MLLT3: variants seen among roughly 807,000 people sequenced by gnomAD.
MLLT3 encodes MLLT3 super elongation complex subunit, also known as protein AF-9.
In MLLT3, 4 loss-of-function variants were observed where a neutral mutation model predicts 53.2. The ratio of observed to expected loss-of-function variants is 0.08; its 90% CI spans 0.04 to 0.17. MLLT3 has a LOEUF of 0.17. MLLT3 is among the 10% of genes least tolerant of loss of function. The pLI is 1.00. For synonymous variants in MLLT3, 283 were observed against 230.6 expected, an observed-to-expected ratio of 1.23 and a Z score of -2.06; for missense variants, 569 against 684.0, an observed-to-expected ratio of 0.83 and a Z score of 1.87.
intron 2 of MLLT3, among the ~76,000 whole-genome samples, chr9:20,546,583 C>T (rs1818794647): frequency 6.6e-6 from 1 of 151,944 alleles, no homozygotes; most frequent in Admixed American, 6.6e-5. Context: ...GGTAGACGAA[C>T]CTGTGTATGG....
intron 2 of MLLT3, among the ~76,000 whole-genome samples, chr9:20,508,357 G>C (rs1206306551): frequency 6.6e-6 from 1 of 152,082 alleles, no homozygotes; most frequent in East Asian, 1.9e-4. Flanking sequence ...ATCCTCAGGA[G>C]GCCCATCCAC....
intron 8 of MLLT3, among the ~76,000 whole-genome samples, chr9:20,356,890 C>T (rs1254479565): frequency 6.6e-6 from 1 of 152,150 alleles, no homozygotes; most frequent in East Asian, 1.9e-4. Flanking sequence ...ACAAAAGCTC[C>T]GGGTGTCAGT....
intron 2 of MLLT3, among the ~76,000 whole-genome samples, chr9:20,602,936 C>T (rs1280471832): frequency 6.6e-6 from 1 of 152,000 alleles, no homozygotes; most frequent in African/African-American, 2.4e-5. Context: ...TCATAATATG[C>T]CATAATTCCA....
chr9:20,609,113 C>T (rs1283509271), intron 2 of MLLT3, among the ~76,000 whole-genome samples: 2 of 151,966 alleles, frequency 1.3e-5, no homozygotes, highest in Admixed American at 6.6e-5. Context: ...TATTTATTTG[C>T]AGCTCTATTT....
At chr9:20,381,502 C>CTACTTA (rs1821907262) in intron 5 of MLLT3, among the ~76,000 whole-genome samples, 1 of 151,884 alleles carries the variant, frequency 6.6e-6, no homozygotes, top group Admixed American at 6.6e-5. Flanking sequence ...AATTTTGTAA[C>CTACTTA]TACTTATATT....
chr9:20,569,680 C>T (rs933702954), intron 2 of MLLT3, among the ~76,000 whole-genome samples: 2 of 152,158 alleles, frequency 1.3e-5, no homozygotes, highest in South Asian at 2.1e-4. Flanking sequence ...ATTTAGAACA[C>T]CCAGTTCTAA....
intron 2 of MLLT3, among the ~76,000 whole-genome samples, chr9:20,472,473 T>C (rs1040854774): frequency 1.6e-4 from 25 of 152,046 alleles, no homozygotes; most frequent in African/African-American, 5.6e-4. Context: ...GCATTTTCTG[T>C]CCAAGCATTT....
At chr9:20,495,581 G>A (rs190491037) in intron 2 of MLLT3, among the ~76,000 whole-genome samples, 1 of 152,134 alleles carries the variant, frequency 6.6e-6, no homozygotes, top group Admixed American at 6.5e-5. Flanking sequence ...CTGATGCTCA[G>A]TGCCTATTAA....
At chr9:20,534,896 CAAAATAAAAT>C (rs768217983) in intron 2 of MLLT3, among the ~76,000 whole-genome samples, 8 of 151,396 alleles carry the variant, frequency 5.3e-5, no homozygotes, top group African/African-American at 1.5e-4. Flanking sequence ...AAAAATAAAA[CAAAATAAAAT>C]AAAATAAAAT....
chr9:20,513,615 AGAGTGGCTACCGTG>A (rs1158031908), intron 2 of MLLT3, among the ~76,000 whole-genome samples: 1 of 152,162 alleles, frequency 6.6e-6, no homozygotes, highest in Admixed American at 6.5e-5. Context: ...ACTGTGAATG[AGAGTGGCTACCGTG>A]GCGTATCTGC....
chr9:20,435,413 C>G (rs1003172426), intron 4 of MLLT3, among the ~76,000 whole-genome samples: 29 of 152,150 alleles, frequency 1.9e-4, no homozygotes, highest in South Asian at 1.5e-3. Flanking sequence ...TTTATTATCC[C>G]TTAAAAGTTG....
chr9:20,456,934 T>A (rs2118862117), intron 2 of MLLT3, 148 bp from the exon 3 acceptor site: 1 of 592,240 alleles, frequency 1.7e-6, no homozygotes, highest in Non-Finnish European at 2.9e-6. Context: ...CTCCGATCTA[T>A]CCTTTATTTC....
chr9:20,547,849 G>C (rs1415736800), intron 2 of MLLT3, among the ~76,000 whole-genome samples: 2 of 152,136 alleles, frequency 1.3e-5, no homozygotes, highest in African/African-American at 2.4e-5. Context: ...CTACTCAGGA[G>C]GCTTAGGTGG....
At chr9:20,567,717 A>G (rs1460464636) in intron 2 of MLLT3, among the ~76,000 whole-genome samples, 1 of 152,208 alleles carries the variant, frequency 6.6e-6, no homozygotes, top group Non-Finnish European at 1.5e-5. Context: ...ATGTCCAACA[A>G]TAATGTATAT....
intron 5 of MLLT3, among the ~76,000 whole-genome samples, chr9:20,385,389 T>C (rs1822008968): frequency 6.6e-6 from 1 of 152,164 alleles, no homozygotes. Flanking sequence ...AAACCATCTG[T>C]TCCATGATAT....
rs1296849406 is a variant in MLLT3, at chr9:20,343,787, C to T, written c.*2656G>A. The T allele has an allele frequency of 4.7e-6, 1 of 213,550 alleles. No individual in the cohort carries two copies. The highest frequency in any genetic ancestry group is 9.5e-6 in the Non-Finnish European group (1 of 105,818). The allele number at this position is 213,550 out of a possible 1,614,324, so 13.2% of individuals were successfully genotyped here. On this transcript the variant is annotated 3_prime_UTR_variant, in exon 11 of 11. Coordinates refer to ENST00000380338, the MANE Select transcript of MLLT3 (RefSeq NM_004529.4). ...TCCCTTTGTGCTTAAGAAACCAGAG[C>T]CACTGTTAGGGTACTCACATGTCAA...
At chr9:20,458,901 T>C (rs951516335) in intron 2 of MLLT3, among the ~76,000 whole-genome samples, 6 of 152,236 alleles carry the variant, frequency 3.9e-5, no homozygotes, top group Non-Finnish European at 4.4e-5. Flanking sequence ...AAACACCCAA[T>C]TGCCATGTAG....
chr9:20,517,531 T>C (rs1817946348), intron 2 of MLLT3, among the ~76,000 whole-genome samples: 1 of 150,700 alleles, frequency 6.6e-6, no homozygotes, highest in African/African-American at 2.4e-5. Context: ...GATCATCCTG[T>C]GGGGTCAGAA....
chr9:20,371,344 G>A (rs763172543), intron 5 of MLLT3, among the ~76,000 whole-genome samples: 2 of 152,222 alleles, frequency 1.3e-5, no homozygotes, highest in East Asian at 1.9e-4. Context: ...GCCTTCTACT[G>A]GAACAAGATG....
Sources: allele counts gnomAD v4.1 joint callset (sites outside exome capture counted in the v4.1 genomes callset), GRCh38; gene constraint gnomAD v4.1.1; transcripts MANE v1.5; gene names NCBI Gene and HGNC (gene_info 2026-07-23, HGNC 2026-07-21).